The following NUMBL variants were observed in gnomAD, a reference collection of about 807,000 sequenced individuals.
NUMBL encodes the protein NUMB like endocytic adaptor protein.
A neutral mutation model predicts 48.9 loss-of-function variants in NUMBL; 20 were observed. The observed-to-expected ratio is 0.41, with a 90% confidence interval of 0.29 to 0.59. The LOEUF is 0.59. NUMBL is among the 20% of genes least tolerant of loss of function. The probability of loss-of-function intolerance (pLI) is 0.31; values close to 1 mark genes in which losing one functional copy is unlikely to be tolerated. For synonymous variants in NUMBL, 340 were observed against 348.7 expected (o/e 0.98, Z 0.28); for missense variants, 660 against 846.2 (o/e 0.78, Z 2.73).
Position 40,666,973 on chromosome 19 carries a change from T to C in NUMBL, c.*495A>G, listed in dbSNP as rs988644612. 1.7e-5 allele frequency: 3 copies of C among 175,700 alleles called. No individual in the cohort carries two copies. The highest frequency in any genetic ancestry group is 7.2e-5 in the African/African-American group (3 of 41,594). The allele number at this position is 175,700 out of a possible 1,614,324, so 10.9% of individuals were successfully genotyped here. A position where few individuals can be genotyped will look rare whatever the true frequency, so the allele number is the denominator to read the frequency against. On this transcript the variant is annotated 3_prime_UTR_variant, in exon 10 of 10. Transcript: ENST00000252891. Reference sequence around the variant, plus strand: ...AGGGTGATGGAGGTGAGTACAGCATTGGCAGTGAACGCAGCGTGTGGGCAG... The same window carrying C: ...AGGGTGATGGAGGTGAGTACAGCATCGGCAGTGAACGCAGCGTGTGGGCAG...
intron 8 of NUMBL, among the ~76,000 whole-genome samples, chr19:40,672,534 C>G (rs777418525): frequency 6.6e-6 from 1 of 152,352 alleles, no homozygotes; most frequent in African/African-American, 2.4e-5. Flanking sequence ...CCCCTGACCC[C>G]TGGGATCTCT....
intron 7 of NUMBL, among the ~76,000 whole-genome samples, chr19:40,677,002 C>T (rs574730414): frequency 2.6e-5 from 4 of 152,198 alleles, no homozygotes; most frequent in African/African-American, 4.8e-5. Flanking sequence ...TTAGTAGAGA[C>T]GAGGTTTTAC....
chr19:40,669,422 T>C (rs1283626585), intron 9 of NUMBL, among the ~76,000 whole-genome samples: 2 of 152,084 alleles, frequency 1.3e-5, no homozygotes, highest in African/African-American at 2.4e-5. Flanking sequence ...GGCTCTAAGA[T>C]GATCCCTGGG....
intron 5 of NUMBL, among the ~76,000 whole-genome samples, chr19:40,681,873 A>T (rs1052105161): frequency 1.3e-5 from 2 of 151,998 alleles, no homozygotes; most frequent in African/African-American, 2.4e-5. Context: ...GGGTTTCACC[A>T]TCTTGGCCAG....
chr19:40,682,068 A>G lies in NUMBL; in HGVS notation c.399+660T>C, dbSNP rs117956764. Among the ~76,000 whole-genome samples the G allele has an allele frequency of 0.016, 2,491 of 152,300 alleles. 78 individuals are homozygous for G. The East Asian group carries it at 0.17, about 10-fold the overall frequency. The stretch of plus-strand genomic sequence containing the variant: ...ACTCCTGGCTTCAAGGGGCCCTCCC[A>G]GCCAGGCACCATTTCAAATAACTTG... On this transcript the variant is annotated intron_variant, in intron 5 of 9. Transcript: ENST00000252891. The surrounding 1 kb of genome is among the most constrained non-coding windows in gnomAD (Gnocchi z 4.0).
intron 9 of NUMBL, among the ~76,000 whole-genome samples, chr19:40,668,452 G>A (rs2081828667): frequency 6.6e-6 from 1 of 152,206 alleles, no homozygotes; most frequent in Middle Eastern, 3.4e-3. Context: ...GCCAAGCCTA[G>A]GATTCACTAT....
chr19:40,672,680 G>A (rs964528601), intron 8 of NUMBL, among the ~76,000 whole-genome samples: 3 of 152,158 alleles, frequency 2.0e-5, no homozygotes, highest in Non-Finnish European at 4.4e-5. Context: ...GATCATGACT[G>A]CTAACCGATC....
intron 6 of NUMBL, among the ~76,000 whole-genome samples, chr19:40,679,736 G>A (rs1322103521): frequency 6.6e-6 from 1 of 152,094 alleles, no homozygotes; most frequent in Admixed American, 6.6e-5. Context: ...CATATTATAT[G>A]ATTCCATTAA....
rs2081921797 is a variant in NUMBL, at chr19:40,684,282, A to G, written c.249+135T>C. On this transcript the variant is annotated intron_variant, in intron 3 of 9. Transcript: ENST00000252891. ...CCGGGGTTTCACCGTGATAGCCAGGACTGCCGGCCTCACGCTTTTTAACAC... is the reference window on the plus strand; with the variant it reads ...CCGGGGTTTCACCGTGATAGCCAGGGCTGCCGGCCTCACGCTTTTTAACAC... 6.6e-6 allele frequency: 6 copies of G among 903,776 alleles called. No homozygotes were observed. The East Asian group carries it at 1.8e-4, about 27-fold the overall frequency. The allele number at this position is 903,776 out of a possible 1,614,324, so 56.0% of individuals were successfully genotyped here. A position where few individuals can be genotyped will look rare whatever the true frequency, so the allele number is the denominator to read the frequency against.
At chr19:40,671,974 A>G (rs1309329936) in intron 8 of NUMBL, among the ~76,000 whole-genome samples, 1 of 152,012 alleles carries the variant, frequency 6.6e-6, no homozygotes, top group Non-Finnish European at 1.5e-5. Flanking sequence ...GGGCTGAAGC[A>G]ATTCTCCTTC....
At chr19:40,675,707 TAA>T (rs968071099) in intron 7 of NUMBL, among the ~76,000 whole-genome samples, 5 of 151,226 alleles carry the variant, frequency 3.3e-5, no homozygotes, top group Non-Finnish European at 5.9e-5. Context: ...AATCCAGAGT[TAA>T]GAGATATCTT....
chr19:40,681,571 C>G (rs2081905355), intron 5 of NUMBL, among the ~76,000 whole-genome samples: 1 of 152,156 alleles, frequency 6.6e-6, no homozygotes, highest in Non-Finnish European at 1.5e-5. Flanking sequence ...AGATTGTGGC[C>G]TCATAGTGCT....
chr19:40,690,276 G>A lies in NUMBL; in HGVS notation c.24+184C>T, dbSNP rs2081958361. ...TTGGCAAGAGATGGCCCAGGGGTCT[G>A]TGCCCAAGACCCCGGTCTCCTGGGC... On this transcript the variant is annotated intron_variant, in intron 1 of 9. Coordinates refer to ENST00000252891, the MANE Select transcript of NUMBL (RefSeq NM_004756.5). The A allele has an allele frequency of 3.7e-5, 14 of 377,088 alleles. No individual in the cohort carries two copies. In the South Asian group the frequency reaches 1.8e-3, roughly 48 times the overall value. The allele number at this position is 377,088 out of a possible 1,614,324, so 23.4% of individuals were successfully genotyped here. A position where few individuals can be genotyped will look rare whatever the true frequency, so the allele number is the denominator to read the frequency against.
chr19:40,680,961 T>A lies in NUMBL; in HGVS notation c.496A>T (p.Thr166Ser). Residue 166 changes from threonine to serine, a missense_variant, in exon 6 of 10, where the codon ACC (threonine) becomes TCC (serine). By Grantham distance (58) the Thr-to-Ser change is moderately conservative. Transcript: ENST00000252891. ...AFSYICRDGT[T>S]RRWICHCFLA... ...AAACAGTGGCAGATCCAGCGGCGGG[T>A]AGTCCCGTCACGACAGATATAGGAG... 6.2e-7 allele frequency: 1 copy of A among 1,612,586 alleles called. No individual in the cohort carries two copies. The highest frequency in any genetic ancestry group is 1.1e-5 in the South Asian group (1 of 90,974).
At chr19:40,684,239 G>T in intron 3 of NUMBL, 178 bp downstream of exon 3, 2 of 645,472 alleles carry the variant, frequency 3.1e-6, no homozygotes, top group Non-Finnish European at 5.1e-6. Flanking sequence ...AGGCTAATTT[G>T]TTGTATTTCT....
intron 8 of NUMBL, among the ~76,000 whole-genome samples, chr19:40,672,508 C>A (rs2081853494): frequency 6.6e-6 from 1 of 152,232 alleles, no homozygotes; most frequent in African/African-American, 2.4e-5. Context: ...ACAAATGTTC[C>A]TGATCCATCA....
rs73931344 is a variant in NUMBL at position 40,673,691 on chromosome 19, G to A, written c.731-42C>T. ...GATGGATGGTTAGATATCTCACCAT[G>A]GCATGCAAGGCCTCTCCCACCTGGT... is the stretch of plus-strand genomic sequence containing the variant. On this transcript the variant is annotated intron_variant, in intron 7 of 9. Coordinates refer to ENST00000252891, the MANE Select transcript of NUMBL (RefSeq NM_004756.5). This position sits in a 1 kb window ranked among gnomAD's most constrained non-coding sequence, Gnocchi z 5.9. 15,231 of 1,432,566 alleles carry A rather than the reference G, an allele frequency of 0.011. 1,065 individuals are homozygous for A. In the African/African-American group the frequency reaches 0.17, roughly 16 times the overall value. The allele number at this position is 1,432,566 out of a possible 1,614,324, so 88.7% of individuals were successfully genotyped here.
Position 40,669,910 on chromosome 19 carries a change from G to A in NUMBL, c.1147C>T (p.Pro383Ser), listed in dbSNP as rs1383501184. 6.2e-7 allele frequency: 1 copy of A among 1,613,552 alleles called. No homozygotes were observed. Among genetic ancestry groups the A allele is most frequent in the Non-Finnish European group, 8.5e-7 (1 of 1,179,630 alleles). ...AGCCTGGCTTTACCTGTTGTGGCAG[G>A]TGGTGGCCCTGGTGCTGGCGCTCCA... ...SAGAPAPGPP[P>S]ATTGTSAWGE... Residue 383 changes from proline (P) to serine (S), a missense_variant, in exon 9 of 10, where the codon CCT becomes TCT. Physicochemically the swap from Pro to Ser is moderately conservative, Grantham distance 74. Around this residue, in one of 3 missense-constraint regions of NUMBL, gnomAD observed 296 missense variants for 339.7 expected, o/e 0.87. Coordinates refer to ENST00000252891, the MANE Select transcript of NUMBL (RefSeq NM_004756.5).
intron 5 of NUMBL, 137 bp from the exon 6 acceptor site, chr19:40,681,194 G>GC: frequency 1.2e-6 from 1 of 861,788 alleles, no homozygotes; most frequent in Non-Finnish European, 1.8e-6. Context: ...CCTGTGCCTT[G>GC]CCTGCAGAGG....
Sources: allele counts gnomAD v4.1 joint callset (sites outside exome capture counted in the v4.1 genomes callset), GRCh38; gene constraint gnomAD v4.1.1; regional missense constraint gnomAD v4.1.1; non-coding constraint Gnocchi (gnomAD v3.1); transcripts MANE v1.5; gene names NCBI Gene and HGNC (gene_info 2026-07-23, HGNC 2026-07-21).